The following CCDC88C variants were observed in gnomAD, a reference collection of about 807,000 sequenced individuals.
CCDC88C encodes protein Daple.
Under a neutral mutation model 198.8 loss-of-function variants are expected in CCDC88C, and 131 were observed. The observed-to-expected ratio is 0.66, with a 90% CI of 0.57 to 0.76. The LOEUF (loss-of-function observed/expected upper bound fraction) is 0.76, where lower values mean the gene tolerates loss of function less well. Ranked by LOEUF, CCDC88C falls within the 30% of genes least tolerant of loss-of-function variation. CCDC88C has a pLI of 0.00. For synonymous variants in CCDC88C, 1,166 were observed against 1,114.7 expected (o/e 1.05, Z -0.92); for missense variants, 2,553 against 2,631.6 (o/e 0.97, Z 0.65).
intron 4 of CCDC88C, among the ~76,000 whole-genome samples, chr14:91,356,028 T>C (rs574969127): frequency 1.3e-5 from 2 of 152,180 alleles, no homozygotes; most frequent in East Asian, 1.9e-4. Flanking sequence ...ACGACGGGGA[T>C]AGATTTAGTC....
intron 3 of CCDC88C, among the ~76,000 whole-genome samples, chr14:91,388,369 G>T (rs1285079558): frequency 6.6e-6 from 1 of 152,168 alleles, no homozygotes; most frequent in African/African-American, 2.4e-5. Flanking sequence ...GTGGCTCTAG[G>T]CTGCCTCGGC....
intron 10 of CCDC88C, among the ~76,000 whole-genome samples, chr14:91,332,873 C>T (rs1016669082): frequency 2.6e-5 from 4 of 152,220 alleles, no homozygotes; most frequent in African/African-American, 9.7e-5. Flanking sequence ...TCAAGTAAGA[C>T]AGTCCCACCT....
Position 91,272,758 on chromosome 14 carries a change from G to A in CCDC88C, c.5954C>T (p.Ser1985Phe), listed in dbSNP as rs3814839. 5 of 1,608,724 alleles carry A rather than the reference G, an allele frequency of 3.1e-6. No individual in the cohort carries two copies. In the East Asian group the frequency reaches 6.7e-5, roughly 22 times the overall value. The change falls in exon 30 of 30, where the codon TCT becomes TTT. Residue 1985 changes from serine (S) to phenylalanine (F), a missense_variant. By Grantham distance (155) the Ser-to-Phe change is radical (BLOSUM62 -2). Coordinates refer to ENST00000389857, the MANE Select transcript of CCDC88C (RefSeq NM_001080414.4). ...EGLPAKSPGR[S>F]PDLAPHLGRA... ...GCCGAGGTGGGGAGCCAAATCGGGA[G>A]ACCGACCTGGGCTCTTGGCCGGAAG...
chr14:91,375,282 C>A (rs1016241921), intron 3 of CCDC88C, among the ~76,000 whole-genome samples: 1 of 152,052 alleles, frequency 6.6e-6, no homozygotes, highest in Non-Finnish European at 1.5e-5. Context: ...TGCGCGCGCG[C>A]ATGTGGGAGA....
chr14:91,326,825 A>C (rs1357014436), intron 10 of CCDC88C, among the ~76,000 whole-genome samples: 2 of 152,228 alleles, frequency 1.3e-5, no homozygotes, highest in Non-Finnish European at 2.9e-5. Flanking sequence ...AGTATCTTAC[A>C]AACACTCTTA....
Position 91,300,051 on chromosome 14 carries a change from G to C in CCDC88C, c.3655C>G (p.Arg1219Gly). ...TCCCGCTCCTCCAGCTCCGCCTTGC[G>C]CTTCAGCATGTCACCGTGCCTGTTG... ...LGERHGDMLK[R>G]KAELEEREKV... The change falls in exon 21 of 30, where the codon CGC (arginine) becomes GGC (glycine). Residue 1219 changes from arginine (R) to glycine (G), a missense_variant. Physicochemically the swap from Arg to Gly is moderately radical, Grantham distance 125. This residue lies in a region of CCDC88C where 1,293 missense variants were observed against 1,219.6 expected (regional missense o/e 1.06). Transcript: ENST00000389857. 6.2e-7 allele frequency: 1 copy of C among 1,608,002 alleles called. No individual in the cohort carries two copies.
Position 91,299,712 on chromosome 14 carries a change from C to G in CCDC88C, c.3779+215G>C, listed in dbSNP as rs116785936. Among the ~76,000 whole-genome samples the G allele has an allele frequency of 2.4e-3, 369 of 152,328 alleles. 1 individual carries two copies. The highest frequency in any genetic ancestry group is 3.4e-3 in the Non-Finnish European group (232 of 68,024). On this transcript the variant is annotated intron_variant, in intron 21 of 29. Transcript: ENST00000389857. ...GGAGGGGAGAACCACTTAACTCAGACGACGCGCCATCCCCAGGTGTCACCT... is the reference window on the plus strand; with the variant it reads ...GGAGGGGAGAACCACTTAACTCAGAGGACGCGCCATCCCCAGGTGTCACCT...
At chr14:91,277,866 C>T (rs986706214) in intron 29 of CCDC88C, 56 bp downstream of exon 29, 1 of 1,445,484 alleles carries the variant, frequency 6.9e-7, no homozygotes, top group Non-Finnish European at 9.2e-7. Context: ...GATCTTGAGC[C>T]AGGAAGAGAC....
intron 3 of CCDC88C, among the ~76,000 whole-genome samples, chr14:91,385,625 G>T (rs1430369646): frequency 2.0e-5 from 3 of 152,192 alleles, no homozygotes; most frequent in Non-Finnish European, 2.9e-5. Flanking sequence ...CTCTTTGGTA[G>T]TCCAGGGTGT....
chr14:91,313,193 C>G lies in CCDC88C; in HGVS notation c.2623G>C (p.Glu875Gln). Residue 875 changes from glutamate (E) to glutamine (Q), a missense_variant, in exon 15 of 30, where the codon GAG becomes CAG. By Grantham distance (29) the Glu-to-Gln change is conservative (BLOSUM62 2). Around this residue, in one of 2 missense-constraint regions of CCDC88C, gnomAD observed 1,260 missense variants for 1,412.0 expected, o/e 0.89. Coordinates refer to ENST00000389857, the MANE Select transcript of CCDC88C (RefSeq NM_001080414.4). This position sits in a 1 kb window ranked among gnomAD's most constrained non-coding sequence, Gnocchi z 5.2. ...GCTGCGTCCCTGCAGCGGGCCAGCT[C>G]CTTGTCCAGCGCGCGGCTCTCCTTC... ...VEKESRALDK[E>Q]LARCRDAAGK... is the part of the protein sequence containing the mutation. The G allele has an allele frequency of 6.2e-7, 1 of 1,613,826 alleles. No individual in the cohort carries two copies. Among genetic ancestry groups the G allele is most frequent in the Non-Finnish European group, 8.5e-7 (1 of 1,179,862 alleles).
chr14:91,378,188 G>A (rs1884568967), intron 3 of CCDC88C, among the ~76,000 whole-genome samples: 1 of 152,204 alleles, frequency 6.6e-6, no homozygotes, highest in African/African-American at 2.4e-5. Context: ...AGTAGTTGAG[G>A]AAGTGCAAAG....
In CCDC88C at chr14:91,307,134, G is replaced by A; in HGVS notation, c.3099C>T (p.Ala1033=). 1.2e-6 allele frequency: 2 copies of A among 1,613,982 alleles called. No individual in the cohort carries two copies. Among genetic ancestry groups the A allele is most frequent in the Non-Finnish European group, 1.7e-6 (2 of 1,179,894 alleles). ...SFKHPAGKTA[A]SHQGKEAWGP... is the part of the protein sequence containing the mutation. Reference sequence around the variant, plus strand: ...CCCAGGCCTCCTTCCCCTGGTGACTGGCGGCTGTCTTCCCCGCAGGGTGCT... The same window carrying A: ...CCCAGGCCTCCTTCCCCTGGTGACTAGCGGCTGTCTTCCCCGCAGGGTGCT... The change falls in exon 18 of 30, where the codon GCC becomes GCT. Residue 1033 remains alanine (A), a synonymous_variant. Coordinates refer to ENST00000389857, the MANE Select transcript of CCDC88C (RefSeq NM_001080414.4).
intron 3 of CCDC88C, among the ~76,000 whole-genome samples, chr14:91,386,273 GTC>G (rs1365592203): frequency 1.5e-5 from 2 of 131,892 alleles, no homozygotes; most frequent in Non-Finnish European, 3.1e-5. Flanking sequence ...GTGAAACCCT[GTC>G]TCTACTAAAA....
intron 10 of CCDC88C, among the ~76,000 whole-genome samples, chr14:91,336,924 T>C (rs949247773): frequency 6.6e-6 from 1 of 152,232 alleles, no homozygotes; most frequent in African/African-American, 2.4e-5. Context: ...AATACGGTGC[T>C]CTGCCTTCGG....
chr14:91,301,396 A>C (rs528999729), intron 20 of CCDC88C, among the ~76,000 whole-genome samples: 1 of 152,190 alleles, frequency 6.6e-6, no homozygotes, highest in East Asian at 1.9e-4. Flanking sequence ...ACCTGCCAAA[A>C]CCTTTGCTCT....
chr14:91,275,018 C>G (rs1341492414), intron 29 of CCDC88C, among the ~76,000 whole-genome samples: 1 of 152,118 alleles, frequency 6.6e-6, no homozygotes, highest in Non-Finnish European at 1.5e-5. Context: ...ATCATCGACG[C>G]CCAGAGAGTG....
intron 3 of CCDC88C, among the ~76,000 whole-genome samples, chr14:91,388,400 A>G (rs1567115766): frequency 1.3e-5 from 2 of 152,212 alleles, no homozygotes; most frequent in South Asian, 2.1e-4. Flanking sequence ...AACGTTCTTG[A>G]CACTGATGCT....
chr14:91,354,299 T>C (rs1893945200), intron 4 of CCDC88C, among the ~76,000 whole-genome samples: 1 of 152,240 alleles, frequency 6.6e-6, no homozygotes, highest in African/African-American at 2.4e-5. Context: ...ATCTAGTCTT[T>C]TCTTGTGCGT....
intron 1 of CCDC88C, chr14:91,417,106 G>T (rs1382248149): frequency 1.4e-6 from 1 of 702,772 alleles, no homozygotes; most frequent in Non-Finnish European, 2.6e-6. Flanking sequence ...AAAATAAAAA[G>T]GACTTTTCAA....
Sources: gnomAD v4.1 joint callset for allele counts (sites outside exome capture counted in the v4.1 genomes callset) on GRCh38, gnomAD v4.1.1 for gene constraint, gnomAD v4.1.1 regional missense constraint, Gnocchi (gnomAD v3.1) non-coding constraint, MANE v1.5 for transcripts, NCBI Gene and HGNC (gene_info 2026-07-23, HGNC 2026-07-21) for gene names.